Variants in TEKT5 observed in about 807,000 individuals in gnomAD.
TEKT5 encodes the protein tektin-5.
In TEKT5, 52 loss-of-function variants were observed where a neutral mutation model predicts 48.7. The ratio of observed to expected loss-of-function variants is 1.07; its 90% CI spans 0.86 to 1.35. TEKT5 has a LOEUF of 1.35. TEKT5 is among the 40% of genes most tolerant of loss of function. The pLI is 0.00. For missense variants in TEKT5, 831 were observed against 641.6 expected (o/e 1.30, Z -3.19); for synonymous variants, 318 against 267.6 (o/e 1.19, Z -1.84).
intron 3 of TEKT5, among the ~76,000 whole-genome samples, chr16:10,687,366 T>A (rs1898880816): frequency 6.6e-6 from 1 of 152,100 alleles, no homozygotes; most frequent in African/African-American, 2.4e-5. Context: ...AATAAGTAAT[T>A]AAAAAAATAA....
At chr16:10,652,682 G>GACACAC (rs1187367332) in intron 5 of TEKT5, among the ~76,000 whole-genome samples, 4 of 7,624 alleles carry the variant, frequency 5.2e-4, no homozygotes, top group Admixed American at 2.2e-3. Context: ...TACACAGGCA[G>GACACAC]ACACACACAC....
intron 6 of TEKT5, among the ~76,000 whole-genome samples, chr16:10,635,100 C>G (rs746103392): frequency 3.9e-5 from 6 of 152,060 alleles, no homozygotes; most frequent in Non-Finnish European, 7.4e-5. Context: ...AGTCATACAG[C>G]ACGTTCATGG....
Position 10,694,608 on chromosome 16 carries a change from T to C in TEKT5, c.266A>G (p.Tyr89Cys), listed in dbSNP as rs114720466. ...PTLRSALFSR[Y>C]SPHDWDQSNQ... ...GGACTGGTCCCAGTCGTGGGGGCTATAGCGAGAGAAGAGTGCGGAGCGCAG... is the reference window on the plus strand; with the variant it reads ...GGACTGGTCCCAGTCGTGGGGGCTACAGCGAGAGAAGAGTGCGGAGCGCAG... The change falls in exon 1 of 7, where the codon TAT (tyrosine) becomes TGT (cysteine). Residue 89 changes from tyrosine to cysteine, a missense_variant. Transcript: ENST00000283025. 8.9e-4 allele frequency: 1,428 copies of C among 1,610,780 alleles called. 11 individuals are homozygous for C. In the African/African-American group the frequency reaches 0.017, roughly 19 times the overall value.
At chr16:10,691,208 A>G (rs767661848) in intron 1 of TEKT5, 1 of 152,316 alleles carries the variant, frequency 6.6e-6, no homozygotes, top group Non-Finnish European at 1.5e-5. Context: ...GCATGCCTAT[A>G]GTCCCAGCTC....
intron 5 of TEKT5, among the ~76,000 whole-genome samples, chr16:10,669,422 G>A (rs565603973): frequency 1.3e-5 from 2 of 152,236 alleles, no homozygotes; most frequent in South Asian, 2.1e-4. Context: ...TCGTGCCACT[G>A]CACTCCAGCC....
At chr16:10,657,756 AT>A (rs59166602) in intron 5 of TEKT5, among the ~76,000 whole-genome samples, 6,727 of 134,824 alleles carry the variant, frequency 0.05, 348 homozygotes, top group African/African-American at 0.14. Context: ...CGCCAAGCTA[AT>A]TTTTTTTTTT....
chr16:10,629,795 G>C (rs933396078), intron 6 of TEKT5, among the ~76,000 whole-genome samples: 1 of 152,138 alleles, frequency 6.6e-6, no homozygotes, highest in Non-Finnish European at 1.5e-5. Context: ...GGTACAAAGG[G>C]CCTCTGGTGC....
chr16:10,677,614 A>G (rs1317726005), intron 4 of TEKT5, among the ~76,000 whole-genome samples: 3 of 143,974 alleles, frequency 2.1e-5, no homozygotes, highest in African/African-American at 5.7e-5. Context: ...GTCCCCCCCA[A>G]CAAAAAAATA....
At chr16:10,676,245 C>A (rs1898645457) in intron 4 of TEKT5, 64 bp from the exon 5 acceptor site, 2 of 1,514,454 alleles carry the variant, frequency 1.3e-6, no homozygotes, top group Admixed American at 3.5e-5. Context: ...GGTTTCTCCG[C>A]CTTGGCAGTC....
intron 4 of TEKT5, among the ~76,000 whole-genome samples, chr16:10,681,745 C>G (rs963917278): frequency 4.6e-5 from 7 of 152,122 alleles, no homozygotes; most frequent in African/African-American, 1.7e-4. Context: ...ACAGCTCCTA[C>G]TGCCAGAACC....
At chr16:10,643,672 T>G (rs766754030) in intron 5 of TEKT5, among the ~76,000 whole-genome samples, 3 of 152,224 alleles carry the variant, frequency 2.0e-5, no homozygotes, top group Non-Finnish European at 4.4e-5. Context: ...ATTTTTATAT[T>G]GACAACATGT....
chr16:10,648,283 A>G (rs1048108458), intron 5 of TEKT5, among the ~76,000 whole-genome samples: 1 of 152,158 alleles, frequency 6.6e-6, no homozygotes, highest in Non-Finnish European at 1.5e-5. Context: ...TCCTATGCAG[A>G]AGGTTCTAGC....
At chr16:10,684,769 C>T (rs1898829959) in intron 3 of TEKT5, among the ~76,000 whole-genome samples, 1 of 152,176 alleles carries the variant, frequency 6.6e-6, no homozygotes, top group Non-Finnish European at 1.5e-5. Flanking sequence ...GGCCCACAAC[C>T]AAGGGCCAGA....
chr16:10,681,960 G>C, intron 4 of TEKT5, 33 bp downstream of exon 4: 7 of 1,608,294 alleles, frequency 4.4e-6, no homozygotes, highest in Non-Finnish European at 6.0e-6. Context: ...AGTTGGACAC[G>C]CCAGGGATGG....
chr16:10,665,875 T>C (rs977925226), intron 5 of TEKT5, among the ~76,000 whole-genome samples: 5 of 152,180 alleles, frequency 3.3e-5, no homozygotes, highest in East Asian at 1.9e-4. Context: ...TAGCCTGAGA[T>C]AGCTGGAAAC....
chr16:10,629,295 G>A (rs941102883), intron 6 of TEKT5, among the ~76,000 whole-genome samples: 3 of 151,120 alleles, frequency 2.0e-5, no homozygotes, highest in African/African-American at 7.3e-5. Flanking sequence ...CTGTCATCCA[G>A]GCTGGAGTGC....
At chr16:10,646,230 G>T (rs1375631134) in intron 5 of TEKT5, among the ~76,000 whole-genome samples, 2 of 152,134 alleles carry the variant, frequency 1.3e-5, no homozygotes, top group African/African-American at 2.4e-5. Flanking sequence ...TATGGTAGTA[G>T]CTCAATAAAC....
At chr16:10,641,540 C>G (rs1199744912) in intron 5 of TEKT5, among the ~76,000 whole-genome samples, 1 of 152,188 alleles carries the variant, frequency 6.6e-6, no homozygotes, top group African/African-American at 2.4e-5. Context: ...CACATAGAGG[C>G]CTGGCGTGGT....
chr16:10,693,538 A>G (rs58883842), intron 1 of TEKT5, among the ~76,000 whole-genome samples: 3,545 of 152,380 alleles, frequency 0.023, 129 homozygotes, highest in African/African-American at 0.082. Flanking sequence ...ACGGACCCAC[A>G]CAGACATACA....
Sources: gnomAD v4.1 joint callset for allele counts (sites outside exome capture counted in the v4.1 genomes callset) on GRCh38, gnomAD v4.1.1 for gene constraint, MANE v1.5 for transcripts, NCBI Gene and HGNC (gene_info 2026-07-23, HGNC 2026-07-21) for gene names.